EPRS1: variants seen among roughly 807,000 people sequenced by gnomAD.
EPRS1 encodes bifunctional glutamate/proline--tRNA ligase.
In EPRS1, 107 loss-of-function variants were observed where a neutral mutation model predicts 188.3. The observed-to-expected ratio is 0.57, with a 90% CI of 0.49 to 0.67. The LOEUF is 0.67. Among genes scored for constraint, EPRS1 ranks in the 30% least tolerant of loss-of-function variants. EPRS1 has a pLI of 0.00. For synonymous variants in EPRS1, 596 were observed against 593.1 expected, an observed-to-expected ratio of 1.00 and a Z score of -0.07; for missense variants, 1,577 against 1,802.2, an observed-to-expected ratio of 0.88 and a Z score of 2.26.
At position 220,001,272 on chromosome 1, in the gene EPRS1, G is replaced by C; in HGVS notation, c.2064-17C>G. 6.8e-7 allele frequency: 1 copy of C among 1,464,506 alleles called. No individual in the cohort carries two copies. Among genetic ancestry groups the C allele is most frequent in the Non-Finnish European group, 9.6e-7 (1 of 1,044,468 alleles). The allele number at this position is 1,464,506 out of a possible 1,614,324, so 90.7% of individuals were successfully genotyped here. A position where few individuals can be genotyped will look rare whatever the true frequency, so the allele number is the denominator to read the frequency against. ...CTATATGGGCTAAAAAGAAAATAAAGGGACAAAATAGTTTATTTGAACAAA... is the reference window on the plus strand; with the variant it reads ...CTATATGGGCTAAAAAGAAAATAAACGGACAAAATAGTTTATTTGAACAAA... On this transcript the variant is annotated splice_polypyrimidine_tract_variant and intron_variant, in intron 16 of 31. Transcript: ENST00000366923.
intron 9 of EPRS1, among the ~76,000 whole-genome samples, chr1:220,020,585 T>G (rs1246260627): frequency 6.6e-6 from 1 of 151,122 alleles, no homozygotes; most frequent in Non-Finnish European, 1.5e-5. Context: ...TTGAACATCT[T>G]TTTTTTTGAG....
intron 1 of EPRS1, among the ~76,000 whole-genome samples, chr1:220,042,106 A>C (rs1425519986): frequency 1.6e-5 from 2 of 128,882 alleles, no homozygotes; most frequent in Admixed American, 7.7e-5. Context: ...ACTTGAACCT[A>C]GGAGGCGGAG....
At chr1:220,045,745 GT>G (rs938725709) in intron 1 of EPRS1, among the ~76,000 whole-genome samples, 1 of 152,190 alleles carries the variant, frequency 6.6e-6, no homozygotes, top group African/African-American at 2.4e-5. Flanking sequence ...GTACCTGGGT[GT>G]TTTCCCCAAT....
chr1:220,001,021 T>A, intron 17 of EPRS1, 117 bp downstream of exon 17: 1 of 705,772 alleles, frequency 1.4e-6, no homozygotes, highest in South Asian at 1.7e-5. Flanking sequence ...GAGCAAGACT[T>A]AACTGTCTTC....
rs531908688 is a variant in EPRS1 at position 220,007,018 on chromosome 1, G to A, written c.1742+184C>T. 3.9e-5 allele frequency among the ~76,000 whole-genome samples: 6 copies of A among 152,234 alleles called. No homozygotes were observed. The South Asian group carries it at 6.2e-4, about 16-fold the overall frequency. The stretch of plus-strand genomic sequence containing the variant: ...CAAATAAAAGACATCTTGATAGCCT[G>A]TTAGTAAACTGAAAGATATATGGAA... On this transcript the variant is annotated intron_variant, in intron 14 of 31. Coordinates refer to ENST00000366923, the MANE Select transcript of EPRS1 (RefSeq NM_004446.3).
chr1:220,023,656 T>C (rs2102591277), intron 8 of EPRS1, among the ~76,000 whole-genome samples: 1 of 152,364 alleles, frequency 6.6e-6, no homozygotes, highest in African/African-American at 2.4e-5. Context: ...AAAGGCTAAG[T>C]ATTTAAAGTA....
chr1:220,005,830 T>G (rs866177595), intron 15 of EPRS1, among the ~76,000 whole-genome samples: 3 of 35,894 alleles, frequency 8.4e-5, no homozygotes, highest in African/African-American at 5.2e-4. Flanking sequence ...TTTTTTTTTG[T>G]TTTTTTTTTT....
chr1:219,968,730 G>A lies in EPRS1; in HGVS notation c.*76C>T. The A allele has an allele frequency of 2.2e-6, 3 of 1,361,582 alleles. No individual in the cohort carries two copies. Among genetic ancestry groups the A allele is most frequent in the African/African-American group, 1.4e-5 (1 of 69,218 alleles). 84.3% of individuals were successfully genotyped at this position (1,361,582 alleles called of 1,614,324 possible). On this transcript the variant is annotated 3_prime_UTR_variant, in exon 32 of 32. Coordinates refer to ENST00000366923, the MANE Select transcript of EPRS1 (RefSeq NM_004446.3). ...TTACTTTTTAAAAAATCATAAAACG[G>A]TCTGTATCTGAGAAGATACTAATAT... is the stretch of plus-strand genomic sequence containing the variant.
chr1:220,004,686 T>G (rs1213926512), intron 16 of EPRS1, among the ~76,000 whole-genome samples: 1 of 152,148 alleles, frequency 6.6e-6, no homozygotes, highest in East Asian at 1.9e-4. Flanking sequence ...AGCAGTTAGA[T>G]TCACAAGACT....
chr1:219,997,722 G>A (rs540443294), intron 17 of EPRS1, among the ~76,000 whole-genome samples: 1 of 152,236 alleles, frequency 6.6e-6, no homozygotes, highest in Admixed American at 6.5e-5. Context: ...TACTATAAAA[G>A]GGGGATAACC....
intron 21 of EPRS1, 133 bp downstream of exon 21, chr1:219,984,073 A>G (rs1264672316): frequency 2.0e-5 from 13 of 663,072 alleles, no homozygotes; most frequent in African/African-American, 9.1e-5. Flanking sequence ...ATGTTAAATG[A>G]CTACACTGTG....
chr1:220,041,840 GA>G (rs999790642), intron 1 of EPRS1, among the ~76,000 whole-genome samples: 4 of 151,082 alleles, frequency 2.6e-5, no homozygotes, highest in African/African-American at 9.7e-5. Context: ...AATTCTGTCT[GA>G]AAAAAAAGAT....
chr1:220,018,178 T>G, intron 12 of EPRS1: 1 of 1,408,110 alleles, frequency 7.1e-7, no homozygotes, highest in Non-Finnish European at 9.4e-7. Flanking sequence ...TGCAGAGTGT[T>G]CATAAAAAAT....
chr1:219,983,615 G>A (rs1042297089), intron 21 of EPRS1, among the ~76,000 whole-genome samples: 8 of 152,008 alleles, frequency 5.3e-5, no homozygotes, highest in Non-Finnish European at 8.8e-5. Flanking sequence ...GAATTCCACC[G>A]GGCATTGTGG....
chr1:220,006,431 T>C (rs905624291), intron 14 of EPRS1, 118 bp from the exon 15 acceptor site: 2 of 311,298 alleles, frequency 6.4e-6, no homozygotes, highest in Admixed American at 5.0e-5. Flanking sequence ...TATTTTGTAA[T>C]AAATGGATAA....
In EPRS1 at chr1:219,968,755, T is replaced by A; in HGVS notation, c.*51A>T. On this transcript the variant is annotated 3_prime_UTR_variant, in exon 32 of 32. Coordinates refer to ENST00000366923, the MANE Select transcript of EPRS1 (RefSeq NM_004446.3). The stretch of plus-strand genomic sequence containing the variant: ...GTCTGTATCTGAGAAGATACTAATA[T>A]CAATGCTTTAAAAAGTGAGAGGAGT... 6.4e-7 allele frequency: 1 copy of A among 1,569,182 alleles called. No homozygotes were observed.
In EPRS1 at chr1:220,019,974, A is replaced by G; in HGVS notation, c.1349+14T>C. 3 of 1,536,978 alleles carry G rather than the reference A, an allele frequency of 2.0e-6. No homozygotes were observed. The highest frequency in any genetic ancestry group is 1.1e-5 in the South Asian group (1 of 89,332). On this transcript the variant is annotated intron_variant, in intron 10 of 31. Coordinates refer to ENST00000366923, the MANE Select transcript of EPRS1 (RefSeq NM_004446.3). The stretch of plus-strand genomic sequence containing the variant: ...TCCTTACTTCTTGTCAATTCTAAGT[A>G]ACATTAAACATACCATCCATCTACT...
chr1:219,979,009 G>T (rs975736016), intron 27 of EPRS1, among the ~76,000 whole-genome samples: 2 of 151,468 alleles, frequency 1.3e-5, no homozygotes. Flanking sequence ...GACTATCAGT[G>T]CATGCCACCA....
chr1:219,975,772 A>C (rs866767592), intron 28 of EPRS1, among the ~76,000 whole-genome samples: 17 of 152,154 alleles, frequency 1.1e-4, no homozygotes, highest in African/African-American at 4.1e-4. Context: ...TAAAGTATAG[A>C]TATAAACTCT....
Sources: gnomAD v4.1 joint callset for allele counts (sites outside exome capture counted in the v4.1 genomes callset) on GRCh38, gnomAD v4.1.1 for gene constraint, MANE v1.5 for transcripts, NCBI Gene and HGNC (gene_info 2026-07-23, HGNC 2026-07-21) for gene names.